FHIP1A: variants seen among roughly 807,000 people sequenced by gnomAD.
The protein encoded by FHIP1A is FHF complex subunit HOOK-interacting protein 1A.
A neutral mutation model predicts 88.6 loss-of-function variants in FHIP1A; 61 were observed. The ratio of observed to expected loss-of-function variants is 0.69; its 90% confidence interval spans 0.56 to 0.85. The LOEUF is 0.85. FHIP1A is among the 40% of genes least tolerant of loss of function. The probability of loss-of-function intolerance (pLI) is 0.00; values close to 1 mark genes in which losing one functional copy is unlikely to be tolerated. For missense variants in FHIP1A, 1,154 were observed against 1,273.5 expected, an observed-to-expected ratio of 0.91 and a Z score of 1.43; for synonymous variants, 478 against 496.0, an observed-to-expected ratio of 0.96 and a Z score of 0.48.
chr4:151,514,890 T>A (rs1486072313), intron 3 of FHIP1A, among the ~76,000 whole-genome samples: 1 of 152,200 alleles, frequency 6.6e-6, no homozygotes, highest in Non-Finnish European at 1.5e-5. Flanking sequence ...GAGGAACTGG[T>A]ATCATTCCTT....
intron 3 of FHIP1A, among the ~76,000 whole-genome samples, chr4:151,540,851 C>T (rs1394280235): frequency 3.9e-5 from 6 of 152,156 alleles, no homozygotes; most frequent in Admixed American, 3.9e-4. Flanking sequence ...CTATGGCTTC[C>T]TGGTCCAATG....
At chr4:151,435,779 T>A (rs1404675544) in intron 1 of FHIP1A, among the ~76,000 whole-genome samples, 1 of 114,376 alleles carries the variant, frequency 8.7e-6, no homozygotes, top group Admixed American at 8.2e-5. Flanking sequence ...AGTGAAACTC[T>A]GTGTCAAAAA....
At chr4:151,603,105 G>A (rs1348718784) in intron 7 of FHIP1A, among the ~76,000 whole-genome samples, 1 of 152,158 alleles carries the variant, frequency 6.6e-6, no homozygotes, top group East Asian at 1.9e-4. Flanking sequence ...GAGGTCGGGA[G>A]TTAGAGACCA....
At chr4:151,490,670 G>A (rs887676554) in intron 3 of FHIP1A, among the ~76,000 whole-genome samples, 1 of 151,702 alleles carries the variant, frequency 6.6e-6, no homozygotes, top group African/African-American at 2.4e-5. Context: ...GCTAGATGAA[G>A]AATTCAGAAG....
Position 151,667,689 on chromosome 4 carries a change from T to G in FHIP1A, c.*4935T>G, listed in dbSNP as rs1383261867. Among the ~76,000 whole-genome samples, 2 of 152,182 alleles carry G rather than the reference T, an allele frequency of 1.3e-5. No individual in the cohort carries two copies. The highest frequency in any genetic ancestry group is 2.9e-5 in the Non-Finnish European group (2 of 68,028). ...GTAGAATCCTAAAACTGATCATGAT[T>G]TTAGCTAGGACTGACCTTTCCTAGC... On this transcript the variant is annotated 3_prime_UTR_variant, in exon 14 of 14. Transcript: ENST00000435205.
intron 11 of FHIP1A, among the ~76,000 whole-genome samples, chr4:151,653,291 T>G (rs1483019292): frequency 1.3e-5 from 2 of 152,172 alleles, no homozygotes; most frequent in Non-Finnish European, 1.5e-5. Flanking sequence ...CAGCTCTGTA[T>G]GTGTTGACAC....
intron 3 of FHIP1A, among the ~76,000 whole-genome samples, chr4:151,539,749 C>G (rs1404925713): frequency 6.6e-6 from 1 of 152,126 alleles, no homozygotes; most frequent in Non-Finnish European, 1.5e-5. Context: ...TTTCCTCCCA[C>G]TGCTGAGTTG....
At chr4:151,530,384 T>A (rs558279395) in intron 3 of FHIP1A, among the ~76,000 whole-genome samples, 1 of 152,278 alleles carries the variant, frequency 6.6e-6, no homozygotes, top group African/African-American at 2.4e-5. Flanking sequence ...ATTGGTTGGG[T>A]AACTAGATGA....
chr4:151,601,143 G>A (rs1337134558), intron 7 of FHIP1A, among the ~76,000 whole-genome samples: 1 of 152,196 alleles, frequency 6.6e-6, no homozygotes, highest in African/African-American at 2.4e-5. Flanking sequence ...CAACCTGCCT[G>A]AGGCAACCCT....
chr4:151,662,390 C>G, intron 13 of FHIP1A, 111 bp from the exon 14 acceptor site: 1 of 1,200,550 alleles, frequency 8.3e-7, no homozygotes, highest in South Asian at 1.7e-5. Context: ...AGGAACTGCA[C>G]TCATAACTAG....
At chr4:151,591,122 TA>T (rs1482654574) in intron 7 of FHIP1A, among the ~76,000 whole-genome samples, 12 of 151,352 alleles carry the variant, frequency 7.9e-5, no homozygotes, top group Non-Finnish European at 1.5e-4. Flanking sequence ...GTAGGATGAA[TA>T]GGGTTAGGGA....
chr4:151,420,625 C>A (rs1208643664), intron 1 of FHIP1A, among the ~76,000 whole-genome samples: 1 of 152,216 alleles, frequency 6.6e-6, no homozygotes, highest in Non-Finnish European at 1.5e-5. Context: ...TGCTGCCATC[C>A]AGTGTTATCT....
Position 151,656,646 on chromosome 4 carries a change from A to G in FHIP1A, c.2731-114A>G. The G allele has an allele frequency of 8.2e-7, 1 of 1,217,502 alleles. No homozygotes were observed. The allele number at this position is 1,217,502 out of a possible 1,614,324, so 75.4% of individuals were successfully genotyped here. On this transcript the variant is annotated intron_variant, in intron 12 of 13. Transcript: ENST00000435205. This position sits in a 1 kb window ranked among gnomAD's most constrained non-coding sequence, Gnocchi z 4.2. The stretch of plus-strand genomic sequence containing the variant: ...CACCCAGGCAGTTAAAAATGAACAA[A>G]TGTCTAACATCATAATAGTTCCCAT...
chr4:151,486,519 A>G (rs1730087872), intron 3 of FHIP1A, among the ~76,000 whole-genome samples: 1 of 152,156 alleles, frequency 6.6e-6, no homozygotes, highest in African/African-American at 2.4e-5. Context: ...GATTAAATGG[A>G]TGTCTCTCAC....
chr4:151,648,045 A>G (rs957367124), intron 10 of FHIP1A, among the ~76,000 whole-genome samples: 7 of 152,208 alleles, frequency 4.6e-5, no homozygotes, highest in Non-Finnish European at 7.3e-5. Context: ...AGGTTGCCTT[A>G]TAGCAGATAA....
chr4:151,428,659 A>G (rs921144175), intron 1 of FHIP1A, among the ~76,000 whole-genome samples: 7 of 152,188 alleles, frequency 4.6e-5, no homozygotes, highest in Non-Finnish European at 1.5e-5. Flanking sequence ...AAAGATCCTT[A>G]ATACGTGCAA....
Position 151,646,651 on chromosome 4 carries a change from C to T in FHIP1A, c.1320C>T (p.Ala440=). 1 of 1,551,560 alleles carries T rather than the reference C, an allele frequency of 6.4e-7. No homozygotes were observed. Among genetic ancestry groups the T allele is most frequent in the Non-Finnish European group, 8.7e-7 (1 of 1,146,866 alleles). Residue 440 remains alanine, a synonymous_variant, in exon 10 of 14, where the codon GCC becomes GCT. Transcript: ENST00000435205. The part of the protein sequence containing the change: ...CYSVSAAKLL[A]LTPVCCSSGI... ...CTGTTTCTGCGGCCAAGCTTCTCGC[C>T]TTGACTCCTGTCTGCTGCTCCAGCG...
At chr4:151,625,473 T>C (rs1735917738) in intron 7 of FHIP1A, among the ~76,000 whole-genome samples, 2 of 152,146 alleles carry the variant, frequency 1.3e-5, no homozygotes, top group East Asian at 3.9e-4. Flanking sequence ...AACCTGCCAT[T>C]ACAGGGAGGA....
intron 3 of FHIP1A, among the ~76,000 whole-genome samples, chr4:151,554,036 C>G (rs1348517349): frequency 1.3e-5 from 2 of 152,174 alleles, no homozygotes; most frequent in Non-Finnish European, 2.9e-5. Context: ...ATGATCACAG[C>G]TGCCCATTGA....
Sources: allele counts gnomAD v4.1 joint callset (sites outside exome capture counted in the v4.1 genomes callset), GRCh38; gene constraint gnomAD v4.1.1; non-coding constraint Gnocchi (gnomAD v3.1); transcripts MANE v1.5; gene names NCBI Gene and HGNC (gene_info 2026-07-23, HGNC 2026-07-21).